GALNT17: variants seen among roughly 807,000 people sequenced by gnomAD.
GALNT17 encodes polypeptide N-acetylgalactosaminyltransferase 17.
GALNT17 carries 29 observed loss-of-function variants against 63.7 expected under a neutral mutation model. The ratio of observed to expected loss-of-function variants is 0.46; its 90% CI spans 0.34 to 0.62. The LOEUF (loss-of-function observed/expected upper bound fraction) is 0.62. Among genes scored for constraint, GALNT17 ranks in the 20% least tolerant of loss-of-function variants. The pLI, the probability that GALNT17 is intolerant of heterozygous loss-of-function variation, is 0.01. For synonymous variants in GALNT17, 305 were observed against 318.3 expected (o/e 0.96, Z 0.45); for missense variants, 603 against 799.6 (o/e 0.75, Z 2.97).
intron 6 of GALNT17, among the ~76,000 whole-genome samples, chr7:71,586,451 T>C (rs1267135232): frequency 6.6e-6 from 1 of 152,248 alleles, no homozygotes; most frequent in Non-Finnish European, 1.5e-5. Context: ...TTGGGTTGTT[T>C]CCAATTTGGG....
At chr7:71,284,464 G>T (rs922339971) in intron 1 of GALNT17, 4 of 152,142 alleles carry the variant, frequency 2.6e-5, no homozygotes, top group Non-Finnish European at 5.9e-5. Context: ...CCAAAGTGCT[G>T]GGATTACAGG....
At chr7:71,229,705 A>T (rs1296250627) in intron 1 of GALNT17, among the ~76,000 whole-genome samples, 1 of 152,128 alleles carries the variant, frequency 6.6e-6, no homozygotes, top group Non-Finnish European at 1.5e-5. Context: ...GCCTAACTCA[A>T]CCCAGCAAAC....
intron 1 of GALNT17, among the ~76,000 whole-genome samples, chr7:71,145,627 C>T (rs1455971323): frequency 6.6e-6 from 1 of 152,200 alleles, no homozygotes; most frequent in East Asian, 1.9e-4. Context: ...GCAGAATGTG[C>T]TGCAAGCTTG....
chr7:71,462,882 C>G (rs991668415), intron 5 of GALNT17, among the ~76,000 whole-genome samples: 4 of 152,168 alleles, frequency 2.6e-5, no homozygotes, highest in Admixed American at 2.6e-4. Flanking sequence ...ATTTTGGGTA[C>G]CCAAGATATA....
chr7:71,686,049 C>T (rs1297223845), intron 9 of GALNT17, among the ~76,000 whole-genome samples: 3 of 143,174 alleles, frequency 2.1e-5, no homozygotes, highest in Admixed American at 1.5e-4. Context: ...CCGCCTCCTG[C>T]GTTCAAGCGA....
In GALNT17 at chr7:71,665,603, A is replaced by T; in HGVS notation, c.1266+7A>T. The T allele has an allele frequency of 6.2e-7, 1 of 1,611,582 alleles. No homozygotes were observed. Among genetic ancestry groups the T allele is most frequent in the Non-Finnish European group, 8.5e-7 (1 of 1,179,240 alleles). ...GTGGAACCTGCCGCTGGAGGTAGGGATCACCAGCCTTTCCCCACCACCCCA... is the reference window on the plus strand; with the variant it reads ...GTGGAACCTGCCGCTGGAGGTAGGGTTCACCAGCCTTTCCCCACCACCCCA... On this transcript the variant is annotated splice_region_variant and intron_variant, in intron 7 of 10. Coordinates refer to ENST00000333538, the MANE Select transcript of GALNT17 (RefSeq NM_022479.3).
At chr7:71,265,118 A>ATATATATATATTTTT (rs1390488895) in intron 1 of GALNT17, among the ~76,000 whole-genome samples, 36 of 37,364 alleles carry the variant, frequency 9.6e-4, no homozygotes, top group Non-Finnish European at 2.1e-3. Flanking sequence ...ATATATATAT[A>ATATATATATATTTTT]TTTTTTTTTT....
chr7:71,599,041 G>A (rs1789928470), intron 6 of GALNT17, among the ~76,000 whole-genome samples: 1 of 152,130 alleles, frequency 6.6e-6, no homozygotes, highest in Non-Finnish European at 1.5e-5. Context: ...TGAGTTCCAG[G>A]ACCTGGGGAA....
chr7:71,449,108 CTTTTTTTTTTT>C (rs59368494), intron 5 of GALNT17, among the ~76,000 whole-genome samples: 1 of 72,754 alleles, frequency 1.4e-5, no homozygotes, highest in Non-Finnish European at 2.3e-5. Context: ...TGCCTATTTT[CTTTTTTTTTTT>C]TTTTTTTTTT....
At chr7:71,669,518 A>G (rs987478226) in intron 7 of GALNT17, among the ~76,000 whole-genome samples, 18 of 151,734 alleles carry the variant, frequency 1.2e-4, no homozygotes, top group Non-Finnish European at 2.5e-4. Flanking sequence ...CTCAAAAAAC[A>G]AAAACAAACA....
chr7:71,670,910 GTGTGTGCA>G (rs1285182751), intron 8 of GALNT17, among the ~76,000 whole-genome samples: 1 of 151,962 alleles, frequency 6.6e-6, no homozygotes, highest in Admixed American at 6.6e-5. Context: ...GTGCGTGTGT[GTGTGTGCA>G]TGTGTGTGTA....
At position 71,712,047 on chromosome 7, in the gene GALNT17, A is replaced by G; in HGVS notation, c.1698A>G (p.Gly566=). The change falls in exon 11 of 11, where the codon GGA becomes GGG. Residue 566 remains glycine, a synonymous_variant. Transcript: ENST00000333538. ...QNGAIMNKGT[G]RCLEVENRGL... ...GAGCCATCATGAACAAGGGCACGGG[A>G]CGCTGCCTGGAGGTGGAGAACCGGG... 1 of 1,613,920 alleles carries G rather than the reference A, an allele frequency of 6.2e-7. No homozygotes were observed. The highest frequency in any genetic ancestry group is 8.5e-7 in the Non-Finnish European group (1 of 1,179,956).
intron 1 of GALNT17, among the ~76,000 whole-genome samples, chr7:71,183,060 C>G (rs1788764292): frequency 6.6e-6 from 1 of 152,110 alleles, no homozygotes; most frequent in Non-Finnish European, 1.5e-5. Flanking sequence ...TTTTGTGATT[C>G]TTTGATGATT....
intron 5 of GALNT17, among the ~76,000 whole-genome samples, chr7:71,502,269 A>G (rs1171852078): frequency 6.6e-6 from 1 of 152,198 alleles, no homozygotes; most frequent in Non-Finnish European, 1.5e-5. Flanking sequence ...TCACATTAGT[A>G]TATCCCATCT....
At chr7:71,482,109 G>GTGTGTA (rs1008322491) in intron 5 of GALNT17, among the ~76,000 whole-genome samples, 1 of 150,482 alleles carries the variant, frequency 6.6e-6, no homozygotes, top group African/African-American at 2.5e-5. Flanking sequence ...GTGTGTGTGT[G>GTGTGTA]TGTGTATGTA....
intron 2 of GALNT17, among the ~76,000 whole-genome samples, chr7:71,353,915 G>T (rs1792232904): frequency 6.6e-6 from 1 of 152,142 alleles, no homozygotes. Flanking sequence ...CATGATGCTG[G>T]CATCTGCTGG....
intron 6 of GALNT17, among the ~76,000 whole-genome samples, chr7:71,655,436 A>G (rs142695493): frequency 0.011 from 1,741 of 152,274 alleles, 36 homozygotes; most frequent in African/African-American, 0.039. Context: ...GGCAGTCTCC[A>G]GATGATTCCT....
chr7:71,226,916 A>G (rs961009222), intron 1 of GALNT17, among the ~76,000 whole-genome samples: 5 of 152,050 alleles, frequency 3.3e-5, no homozygotes, highest in African/African-American at 7.2e-5. Context: ...CCCCCTTCCT[A>G]TGACAGTCCG....
intron 6 of GALNT17, among the ~76,000 whole-genome samples, chr7:71,604,583 A>T (rs1790018520): frequency 6.6e-6 from 1 of 152,150 alleles, no homozygotes; most frequent in African/African-American, 2.4e-5. Flanking sequence ...CCAGATTTGA[A>T]CTCAAGCAGT....
Sources: gnomAD v4.1 joint callset for allele counts (sites outside exome capture counted in the v4.1 genomes callset) on GRCh38, gnomAD v4.1.1 for gene constraint, MANE v1.5 for transcripts, NCBI Gene and HGNC (gene_info 2026-07-23, HGNC 2026-07-21) for gene names.